Variants in IHO1 observed in about 807,000 individuals in gnomAD.
IHO1 encodes interactor of HORMAD1 protein 1.
A neutral mutation model predicts 31.0 loss-of-function variants in IHO1; 13 were observed. The observed-to-expected ratio is 0.42, with a 90% confidence interval of 0.27 to 0.67. The LOEUF (loss-of-function observed/expected upper bound fraction) is 0.67, where lower values mean the gene tolerates loss of function less well. IHO1 is among the 30% of genes least tolerant of loss of function. The pLI is 0.24. For missense variants in IHO1, 599 were observed against 687.5 expected (o/e 0.87, Z 1.44); for synonymous variants, 221 against 248.4 (o/e 0.89, Z 1.04).
chr3:49,232,412 A>G (rs2046494198), intron 2 of IHO1, among the ~76,000 whole-genome samples: 1 of 152,230 alleles, frequency 6.6e-6, no homozygotes, highest in Non-Finnish European at 1.5e-5. Flanking sequence ...ACAAAGACAG[A>G]AGCAGAACAA....
At chr3:49,245,779 G>A (rs2046686356) in intron 6 of IHO1, 2 of 152,154 alleles carry the variant, frequency 1.3e-5, no homozygotes, top group Admixed American at 6.6e-5. Context: ...AAAAATTAAT[G>A]CCTTTTTGTG....
At chr3:49,238,842 A>G (rs2046591005) in intron 3 of IHO1, among the ~76,000 whole-genome samples, 1 of 152,152 alleles carries the variant, frequency 6.6e-6, no homozygotes, top group Non-Finnish European at 1.5e-5. Context: ...GGAAAAGAGA[A>G]AAACCTGCTT....
chr3:49,214,182 C>A (rs2046256889), intron 2 of IHO1, among the ~76,000 whole-genome samples: 1 of 152,088 alleles, frequency 6.6e-6, no homozygotes, highest in Admixed American at 6.6e-5. Context: ...GACACTCAGT[C>A]CAGTTGCGGC....
At chr3:49,212,063 C>T (rs1186468205) in intron 2 of IHO1, among the ~76,000 whole-genome samples, 2 of 149,774 alleles carry the variant, frequency 1.3e-5, no homozygotes, top group African/African-American at 4.9e-5. Flanking sequence ...ACTCAGGAGG[C>T]TGAGGTAGGA....
upstream of IHO1, among the ~76,000 whole-genome samples, chr3:49,195,400 C>T (rs537810329): frequency 4.1e-5 from 6 of 145,568 alleles, no homozygotes; most frequent in East Asian, 2.1e-4. Context: ...CCAGCCTGAG[C>T]GACAGAGCAA....
intron 2 of IHO1, among the ~76,000 whole-genome samples, chr3:49,221,281 A>G (rs1040140677): frequency 7.2e-5 from 11 of 151,912 alleles, no homozygotes; most frequent in Non-Finnish European, 1.5e-4. Flanking sequence ...TTAGCTAGAC[A>G]CAGAGCACTG....
rs145778378 is a variant in IHO1, at chr3:49,256,955, A to G, written c.1458A>G (p.Gln486=). 5.6e-5 allele frequency: 90 copies of G among 1,614,118 alleles called. No individual in the cohort carries two copies. Among genetic ancestry groups the G allele is most frequent in the Non-Finnish European group, 7.0e-5 (83 of 1,180,040 alleles). ...QSPQPAISVP[Q]SPFLGQQEPR... is the part of the protein sequence containing the mutation. ...CTCAGCCTGCAATTTCTGTCCCTCA[A>G]AGCCCCTTCCTGGGGCAGCAGGAAC... Residue 486 remains glutamine, a synonymous_variant, in exon 8 of 8, where the codon CAA becomes CAG. Transcript: ENST00000452691. This position sits in a 1 kb window ranked among gnomAD's most constrained non-coding sequence, Gnocchi z 4.6.
chr3:49,231,427 A>T (rs936926782), intron 2 of IHO1, among the ~76,000 whole-genome samples: 2 of 152,240 alleles, frequency 1.3e-5, no homozygotes, highest in African/African-American at 4.8e-5. Flanking sequence ...CAAATGGTAA[A>T]GCTTCTTATT....
rs144164902 is a variant in IHO1 at position 49,226,337 on chromosome 3, A to T, written c.57-10211A>T. On this transcript the variant is annotated intron_variant, in intron 2 of 7. Coordinates refer to ENST00000452691, the MANE Select transcript of IHO1 (RefSeq NM_001135197.2). ...TGATATCTGCAACTGATTGGGTAAT[A>T]AACTTATCTTTTAGGATCAATTGAC... is the stretch of plus-strand genomic sequence containing the variant. Among the ~76,000 whole-genome samples, 282 of 152,284 alleles carry T rather than the reference A, an allele frequency of 1.9e-3. 7 individuals are homozygous for T. Among genetic ancestry groups the T allele is most frequent in the Middle Eastern group, 6.8e-3 (2 of 294 alleles).
chr3:49,207,249 GTTT>G (rs1223888677), intron 1 of IHO1, among the ~76,000 whole-genome samples: 1 of 138,606 alleles, frequency 7.2e-6, no homozygotes, highest in Non-Finnish European at 1.6e-5. Flanking sequence ...TTCTGGTGAG[GTTT>G]TTTTTTTTTT....
chr3:49,218,709 C>T (rs2046317907), intron 2 of IHO1, among the ~76,000 whole-genome samples: 1 of 152,076 alleles, frequency 6.6e-6, no homozygotes, highest in Non-Finnish European at 1.5e-5. Flanking sequence ...ACAATAGTGG[C>T]ATAGAGCCAA....
At chr3:49,253,106 T>C (rs2046780420) in intron 6 of IHO1, among the ~76,000 whole-genome samples, 1 of 151,386 alleles carries the variant, frequency 6.6e-6, no homozygotes, top group Non-Finnish European at 1.5e-5. Flanking sequence ...CCTAGCACAG[T>C]GTCTGACAAT....
In IHO1 at chr3:49,236,602, T is replaced by A; in HGVS notation, c.111T>A (p.Ser37Arg). The A allele has an allele frequency of 6.2e-6, 10 of 1,613,570 alleles. No homozygotes were observed. The highest frequency in any genetic ancestry group is 8.5e-6 in the Non-Finnish European group (10 of 1,179,564). Residue 37 changes from serine (S) to arginine (R), a missense_variant, in exon 3 of 8, where the codon AGT becomes AGA. By Grantham distance (110) the Ser-to-Arg change is moderately radical. Transcript: ENST00000452691. The stretch of plus-strand genomic sequence containing the variant: ...ATCAAAATGATTATTCCAGTCTCAG[T>A]GATTCCCAGTTCCTCTTTGGATCTC... ...NNNQNDYSSL[S>R]DSQFLFGSQF...
chr3:49,244,762 A>G, intron 6 of IHO1, 29 bp downstream of exon 6: 1 of 1,566,258 alleles, frequency 6.4e-7, no homozygotes, highest in African/African-American at 1.4e-5. Flanking sequence ...AGGTATCAGC[A>G]GAGGGCACTG....
intron 2 of IHO1, among the ~76,000 whole-genome samples, chr3:49,222,487 G>C (rs926138281): frequency 6.6e-6 from 1 of 152,142 alleles, no homozygotes; most frequent in African/African-American, 2.4e-5. Flanking sequence ...GGAGTAAATT[G>C]CTGTCAGAAG....
intron 6 of IHO1, among the ~76,000 whole-genome samples, chr3:49,249,762 T>C (rs1399565059): frequency 6.6e-6 from 1 of 152,188 alleles, no homozygotes; most frequent in Non-Finnish European, 1.5e-5. Context: ...GACCAGCCAG[T>C]GAAAACTGGG....
chr3:49,224,739 G>A (rs2046398122), intron 2 of IHO1, among the ~76,000 whole-genome samples: 1 of 152,164 alleles, frequency 6.6e-6, no homozygotes, highest in African/African-American at 2.4e-5. Context: ...ATTAGCTAAG[G>A]GGACTTCTAA....
chr3:49,194,292 G>GTATATATATATAGATATATATATATATA, upstream of IHO1, among the ~76,000 whole-genome samples: 1 of 120,186 alleles, frequency 8.3e-6, no homozygotes, highest in African/African-American at 3.3e-5. Context: ...AGTACAAAGT[G>GTATATATATATAGATATATATATATATA]TATATATATA....
chr3:49,240,153 C>G (rs760797158), intron 3 of IHO1, among the ~76,000 whole-genome samples: 15 of 152,172 alleles, frequency 9.9e-5, no homozygotes, highest in Admixed American at 2.0e-4. Flanking sequence ...TCAAGAGATT[C>G]TCCTGCCTCA....
Sources: allele counts gnomAD v4.1 joint callset (sites outside exome capture counted in the v4.1 genomes callset), GRCh38; gene constraint gnomAD v4.1.1; non-coding constraint Gnocchi (gnomAD v3.1); transcripts MANE v1.5; gene names NCBI Gene and HGNC (gene_info 2026-07-23, HGNC 2026-07-21).